The following KIAA0513 variants were observed in gnomAD, a reference collection of about 807,000 sequenced individuals.
The protein encoded by KIAA0513 is KIAA0513, also known as uncharacterized protein KIAA0513.
Under a neutral mutation model 56.5 loss-of-function variants are expected in KIAA0513, and 39 were observed. That is an observed-to-expected ratio of 0.69 (90% CI 0.53 to 0.90). The LOEUF (loss-of-function observed/expected upper bound fraction) is 0.90, where lower values mean the gene tolerates loss of function less well. Among genes scored for constraint, KIAA0513 ranks in the 40% least tolerant of loss-of-function variants. The pLI is 0.00. For missense variants in KIAA0513, 591 were observed against 535.2 expected, an observed-to-expected ratio of 1.10 and a Z score of -1.03; for synonymous variants, 268 against 215.6, an observed-to-expected ratio of 1.24 and a Z score of -2.13.
intron 1 of KIAA0513, among the ~76,000 whole-genome samples, chr16:85,057,109 A>T (rs550302415): frequency 6.6e-6 from 1 of 152,296 alleles, no homozygotes; most frequent in South Asian, 2.1e-4. Context: ...CTCCACAGAA[A>T]GCATGTTTGT....
intron 3 of KIAA0513, among the ~76,000 whole-genome samples, chr16:85,072,191 C>T (rs185770833): frequency 2.8e-4 from 43 of 152,018 alleles, no homozygotes; most frequent in Admixed American, 5.9e-4. Context: ...CCCCTCCCCG[C>T]ATCTCTAAAA....
chr16:85,028,286 C>T (rs1422856648), intron 1 of KIAA0513, among the ~76,000 whole-genome samples: 2 of 152,116 alleles, frequency 1.3e-5, no homozygotes. Flanking sequence ...CAAGGGCATT[C>T]TGGGGAGAGG....
chr16:85,067,316 A>G lies in KIAA0513; in HGVS notation c.245A>G (p.Gln82Arg). The G allele has an allele frequency of 1.2e-6, 2 of 1,611,458 alleles. No individual in the cohort carries two copies. ...SSSNESFSSNQSTESTQDEET... is the reference protein window; with the variant it reads ...SSSNESFSSNRSTESTQDEET... ...TCCAACGAGTCCTTCTCCTCCAACC[A>G]GAGCACCGAGTCTACCCAGGATGAA... The change falls in exon 2 of 13, where the codon CAG becomes CGG. Residue 82 changes from glutamine to arginine, a missense_variant. Physicochemically the swap from Gln to Arg is conservative, Grantham distance 43. Transcript: ENST00000683363.
intron 1 of KIAA0513, among the ~76,000 whole-genome samples, chr16:85,045,076 C>A (rs929706484): frequency 3.3e-5 from 5 of 152,050 alleles, no homozygotes; most frequent in Non-Finnish European, 4.4e-5. Context: ...TGAGATTGCA[C>A]CACTGCACTG....
chr16:85,052,022 T>G (rs1304000547), intron 1 of KIAA0513, among the ~76,000 whole-genome samples: 1 of 151,930 alleles, frequency 6.6e-6, no homozygotes, highest in East Asian at 1.9e-4. Context: ...GTTGTTATCC[T>G]TTCTAAAACG....
At chr16:85,071,983 A>G in intron 3 of KIAA0513, 101 bp downstream of exon 3, 1 of 808,872 alleles carries the variant, frequency 1.2e-6, no homozygotes, top group Non-Finnish European at 2.1e-6. Context: ...CTCTGGAGAA[A>G]AGAGTCAAGG....
intron 3 of KIAA0513, 40 bp from the exon 4 acceptor site, chr16:85,072,885 G>A (rs144677149): frequency 1.8e-5 from 29 of 1,596,628 alleles, no homozygotes; most frequent in South Asian, 3.3e-5. Context: ...TGCGTGTGTC[G>A]CCCTGAACCT....
At chr16:85,038,540 C>T (rs567047219) in intron 1 of KIAA0513, among the ~76,000 whole-genome samples, 26 of 151,880 alleles carry the variant, frequency 1.7e-4, no homozygotes, top group African/African-American at 6.3e-4. Context: ...AACTCCATGT[C>T]TACTAAAAAG....
At chr16:85,062,211 AACACACACACAC>A (rs5818523) in intron 1 of KIAA0513, among the ~76,000 whole-genome samples, 3 of 149,282 alleles carry the variant, frequency 2.0e-5, no homozygotes, top group Admixed American at 6.7e-5. Context: ...TACGTACGTA[AACACACACACAC>A]ACACACACAC....
At chr16:85,028,669 T>C (rs995623354) in intron 1 of KIAA0513, among the ~76,000 whole-genome samples, 3 of 151,672 alleles carry the variant, frequency 2.0e-5, no homozygotes, top group Non-Finnish European at 4.4e-5. Flanking sequence ...GCAGGTTGAT[T>C]AGACTTGGGA....
chr16:85,062,235 C>G (rs1304175486), intron 1 of KIAA0513, among the ~76,000 whole-genome samples: 2 of 150,626 alleles, frequency 1.3e-5, no homozygotes, highest in East Asian at 3.9e-4. Context: ...CACACACACA[C>G]CCCATAAGGT....
At chr16:85,066,121 A>G (rs181454108) in intron 1 of KIAA0513, among the ~76,000 whole-genome samples, 23 of 152,350 alleles carry the variant, frequency 1.5e-4, no homozygotes, top group Non-Finnish European at 2.4e-4. Context: ...GAGGCTGAAT[A>G]AGATGCTGGA....
chr16:85,087,197 C>A lies in KIAA0513; in HGVS notation c.1186+31C>A, dbSNP rs780557561. On this transcript the variant is annotated intron_variant, in intron 12 of 12. Coordinates refer to ENST00000683363, the MANE Select transcript of KIAA0513 (RefSeq NM_001388359.1). ...TCTGGGGGAGGCTGCTGGCAGGAGG[C>A]GGGCAGGGCTGGGGTCAGGAGCCAG... is the stretch of plus-strand genomic sequence containing the variant. 4 of 1,574,800 alleles carry A rather than the reference C, an allele frequency of 2.5e-6. No homozygotes were observed. In the South Asian group the frequency reaches 3.3e-5, roughly 13 times the overall value.
At chr16:85,073,434 C>T (rs1368415016) in intron 4 of KIAA0513, among the ~76,000 whole-genome samples, 1 of 152,228 alleles carries the variant, frequency 6.6e-6, no homozygotes, top group Non-Finnish European at 1.5e-5. Flanking sequence ...TGATTAGGCA[C>T]TGCTGGGGCC....
chr16:85,067,001 A>T lies in KIAA0513; in HGVS notation c.-71A>T. Reference sequence around the variant, plus strand: ...GTGGGCTCCTACTAACGCACCTGGGACACCAGGCTGCTGGGCTCCCCTCTA... The same window carrying T: ...GTGGGCTCCTACTAACGCACCTGGGTCACCAGGCTGCTGGGCTCCCCTCTA... On this transcript the variant is annotated 5_prime_UTR_variant, in exon 2 of 13. Coordinates refer to ENST00000683363, the MANE Select transcript of KIAA0513 (RefSeq NM_001388359.1). 1 of 1,388,848 alleles carries T rather than the reference A, an allele frequency of 7.2e-7. No homozygotes were observed. Among genetic ancestry groups the T allele is most frequent in the Non-Finnish European group, 9.7e-7 (1 of 1,034,482 alleles). 86.0% of individuals were successfully genotyped at this position (1,388,848 alleles called of 1,614,324 possible).
intron 1 of KIAA0513, among the ~76,000 whole-genome samples, chr16:85,052,220 T>A (rs1349024714): frequency 6.6e-6 from 1 of 152,026 alleles, no homozygotes; most frequent in East Asian, 1.9e-4. Flanking sequence ...CTCAGGAGGC[T>A]GAGGAAGGAG....
At chr16:85,041,522 G>T (rs2073103421) in intron 1 of KIAA0513, among the ~76,000 whole-genome samples, 1 of 152,200 alleles carries the variant, frequency 6.6e-6, no homozygotes, top group Non-Finnish European at 1.5e-5. Context: ...ATTCATCTTT[G>T]TTTCGTAGGA....
rs149429500 is a variant in KIAA0513 at position 85,064,244 on chromosome 16, G to A, written c.-172-2656G>A. Among the ~76,000 whole-genome samples, 612 of 152,196 alleles carry A rather than the reference G, an allele frequency of 4.0e-3. 7 individuals are homozygous for A. The highest frequency in any genetic ancestry group is 0.013 in the African/African-American group (551 of 41,548). ...TGGTGTCGAACTCCTGACCTCAGGT[G>A]ATCCACCCGCCTCAGCCTCCCAAAG... On this transcript the variant is annotated intron_variant, in intron 1 of 12. Transcript: ENST00000683363.
intron 1 of KIAA0513, among the ~76,000 whole-genome samples, chr16:85,038,150 C>T (rs1054558571): frequency 3.7e-4 from 56 of 152,190 alleles, no homozygotes; most frequent in Non-Finnish European, 1.3e-4. Flanking sequence ...TCTGTGCACC[C>T]CACTGGGCCA....
Sources: gnomAD v4.1 joint callset for allele counts (sites outside exome capture counted in the v4.1 genomes callset) on GRCh38, gnomAD v4.1.1 for gene constraint, MANE v1.5 for transcripts, NCBI Gene and HGNC (gene_info 2026-07-23, HGNC 2026-07-21) for gene names.